TMEM61: variants seen among roughly 807,000 people sequenced by gnomAD.
TMEM61 encodes transmembrane protein 61.
A neutral mutation model predicts 12.0 loss-of-function variants in TMEM61; 13 were observed. That is an observed-to-expected ratio of 1.08 (90% CI 0.70 to 1.72). The LOEUF (loss-of-function observed/expected upper bound fraction) is 1.72. Ranked by LOEUF, TMEM61 falls within the 40% of genes most tolerant of loss-of-function variation. TMEM61 has a pLI of 0.00. For missense variants in TMEM61, 249 were observed against 276.9 expected, an observed-to-expected ratio of 0.90 and a Z score of 0.71; for synonymous variants, 109 against 121.4, an observed-to-expected ratio of 0.90 and a Z score of 0.67.
chr1:54,981,108 T>G, intron 1 of TMEM61, 28 bp downstream of exon 1: 1 of 1,580,286 alleles, frequency 6.3e-7, no homozygotes, highest in Non-Finnish European at 8.6e-7. Context: ...TCTCCCTCCT[T>G]TACGGGCACT....
intron 1 of TMEM61, among the ~76,000 whole-genome samples, chr1:54,982,149 G>A (rs1644227074): frequency 6.6e-6 from 1 of 152,158 alleles, no homozygotes; most frequent in African/African-American, 2.4e-5. Flanking sequence ...GAGATGCTGG[G>A]TGGTCACAGA....
intron 1 of TMEM61, among the ~76,000 whole-genome samples, chr1:54,983,109 G>GTTTTCTTTT (rs1644234087): frequency 9.1e-6 from 1 of 109,522 alleles, no homozygotes; most frequent in African/African-American, 3.2e-5. Flanking sequence ...GTTTTGCTTT[G>GTTTTCTTTT]TTTTTTTTTT....
At chr1:54,981,145 C>G in intron 1 of TMEM61, 65 bp downstream of exon 1, 1 of 1,528,976 alleles carries the variant, frequency 6.5e-7, no homozygotes, top group Admixed American at 2.0e-5. Context: ...CGACCTTGCC[C>G]CGACCCCTTC....
intron 1 of TMEM61, among the ~76,000 whole-genome samples, chr1:54,984,977 T>C (rs998942735): frequency 4.6e-5 from 7 of 152,302 alleles, no homozygotes; most frequent in Middle Eastern, 3.4e-3. Context: ...CATTCTTTTA[T>C]TTAATTGAGA....
At chr1:54,983,261 C>A (rs933084146) in intron 1 of TMEM61, among the ~76,000 whole-genome samples, 1 of 151,444 alleles carries the variant, frequency 6.6e-6, no homozygotes, top group African/African-American at 2.4e-5. Flanking sequence ...CTACAGGTGC[C>A]CACCACCACG....
At chr1:54,982,358 G>A (rs1258013856) in intron 1 of TMEM61, among the ~76,000 whole-genome samples, 2 of 152,180 alleles carry the variant, frequency 1.3e-5, no homozygotes. Context: ...GGGTCCAGGT[G>A]AAAGGAGTTT....
At chr1:54,991,715 G>T in intron 2 of TMEM61, 121 bp from the exon 3 acceptor site, 2 of 1,226,340 alleles carry the variant, frequency 1.6e-6, no homozygotes, top group Non-Finnish European at 1.1e-6. Flanking sequence ...ACCCTGGAGA[G>T]CCACAAAGGC....
rs769894253 is a variant in TMEM61, at chr1:54,992,023, G to T, written c.553G>T (p.Asp185Tyr). 1.2e-6 allele frequency: 2 copies of T among 1,614,016 alleles called. No individual in the cohort carries two copies. The highest frequency in any genetic ancestry group is 1.7e-6 in the Non-Finnish European group (2 of 1,180,022). ...PSYESISLALDAVSAETTPSA... is the reference protein window; with the variant it reads ...PSYESISLALYAVSAETTPSA... ...CTATGAGAGCATCAGCCTTGCTCTT[G>T]ATGCCGTTTCTGCGGAGACGACACC... Residue 185 changes from aspartate to tyrosine, a missense_variant, in exon 3 of 3, where the codon GAT (aspartate) becomes TAT (tyrosine). Coordinates refer to ENST00000371268, the MANE Select transcript of TMEM61 (RefSeq NM_182532.3).
chr1:54,985,948 T>G lies in TMEM61; in HGVS notation c.16-149T>G, dbSNP rs1644254775. The G allele has an allele frequency of 4.6e-6, 3 of 651,398 alleles. No homozygotes were observed. In the Admixed American group the frequency reaches 1.0e-4, roughly 22 times the overall value. The allele number at this position is 651,398 out of a possible 1,614,324, so 40.4% of individuals were successfully genotyped here. ...GCCCGGCAAAGTCAGGGGCATCATC[T>G]CCACTTCACAGATGAGGAAACTGAG... On this transcript the variant is annotated intron_variant, in intron 1 of 2. Coordinates refer to ENST00000371268, the MANE Select transcript of TMEM61 (RefSeq NM_182532.3).
chr1:54,986,272 C>G lies in TMEM61; in HGVS notation c.191C>G (p.Pro64Arg). Residue 64 changes from proline (P) to arginine (R), a missense_variant, in exon 2 of 3, where the codon CCC (proline) becomes CGC (arginine). Physicochemically the swap from Pro to Arg is moderately radical, Grantham distance 103. Transcript: ENST00000371268. ...TEYPVPEGPSPLLRSVSFVCC... is the reference protein window; with the variant it reads ...TEYPVPEGPSRLLRSVSFVCC... ...TATCCGGTGCCTGAGGGCCCCAGCC[C>G]CCTGCTCAGGTCCGTCAGCTTCGTC... 6.2e-7 allele frequency: 1 copy of G among 1,613,982 alleles called. No homozygotes were observed. The highest frequency in any genetic ancestry group is 8.5e-7 in the Non-Finnish European group (1 of 1,180,028).
At chr1:54,981,459 A>G (rs895803343) in intron 1 of TMEM61, among the ~76,000 whole-genome samples, 2 of 152,106 alleles carry the variant, frequency 1.3e-5, no homozygotes, top group African/African-American at 4.8e-5. Flanking sequence ...CTCTACTAAA[A>G]ATACAAAAAT....
chr1:54,982,487 C>T (rs936002832), intron 1 of TMEM61, among the ~76,000 whole-genome samples: 1 of 152,208 alleles, frequency 6.6e-6, no homozygotes, highest in South Asian at 2.1e-4. Context: ...CCACCCCAAC[C>T]GTCCCCCAGG....
intron 1 of TMEM61, among the ~76,000 whole-genome samples, chr1:54,983,122 G>T (rs2317953): frequency 0.7 from 85,439 of 121,572 alleles, 30,989 homozygotes; most frequent in Non-Finnish European, 0.79. Context: ...TTTTTTTTTT[G>T]TTTTTTTTTG....
At position 54,991,896 on chromosome 1, in the gene TMEM61, G is replaced by A. The variant is rs1283848470; in HGVS notation, c.426G>A (p.Glu142=). 1.9e-6 allele frequency: 3 copies of A among 1,614,138 alleles called. No homozygotes were observed. Among genetic ancestry groups the A allele is most frequent in the Admixed American group, 1.7e-5 (1 of 60,016 alleles). ...YEEAVSFPVA[E]GPPTPPAYPT... ...AAGCCGTGAGCTTCCCAGTGGCCGA[G>A]GGGCCCCCAACACCACCTGCATACC... Residue 142 remains glutamate (E), a synonymous_variant, in exon 3 of 3, where the codon GAG becomes GAA. Coordinates refer to ENST00000371268, the MANE Select transcript of TMEM61 (RefSeq NM_182532.3).
chr1:54,992,040 G>A lies in TMEM61; in HGVS notation c.570G>A (p.Glu190=). 1 of 1,613,690 alleles carries A rather than the reference G, an allele frequency of 6.2e-7. No individual in the cohort carries two copies. Among genetic ancestry groups the A allele is most frequent in the East Asian group, 2.2e-5 (1 of 44,876 alleles). ...TTGCTCTTGATGCCGTTTCTGCGGA[G>A]ACGACACCGAGTGCCACACGCTCCT... The part of the protein sequence containing the change: ...ISLALDAVSA[E]TTPSATRSCS... Residue 190 remains glutamate (E), a synonymous_variant, in exon 3 of 3, where the codon GAG becomes GAA. Coordinates refer to ENST00000371268, the MANE Select transcript of TMEM61 (RefSeq NM_182532.3).
In TMEM61 at chr1:54,992,177, C is replaced by T. The variant is rs1644305218; in HGVS notation, c.*74C>T. The T allele has an allele frequency of 2.0e-6, 3 of 1,509,026 alleles. No individual in the cohort carries two copies. The highest frequency in any genetic ancestry group is 2.7e-6 in the Non-Finnish European group (3 of 1,122,196). 93.5% of individuals were successfully genotyped at this position (1,509,026 alleles called of 1,614,324 possible). A position where few individuals can be genotyped will look rare whatever the true frequency, so the allele number is the denominator to read the frequency against. ...CCAGAGTCTTATGCAGTGCCTGGGA[C>T]ACAGTAGGCACTCAGCAAACGTTCG... On this transcript the variant is annotated 3_prime_UTR_variant, in exon 3 of 3. Coordinates refer to ENST00000371268, the MANE Select transcript of TMEM61 (RefSeq NM_182532.3).
chr1:54,985,840 C>T (rs1644253671), intron 1 of TMEM61, among the ~76,000 whole-genome samples: 1 of 152,130 alleles, frequency 6.6e-6, no homozygotes, highest in South Asian at 2.1e-4. Context: ...TGGAGGGAGG[C>T]CCTGAGTGAA....
chr1:54,983,294 G>A (rs923806870), intron 1 of TMEM61, among the ~76,000 whole-genome samples: 2 of 151,644 alleles, frequency 1.3e-5, no homozygotes, highest in Non-Finnish European at 2.9e-5. Flanking sequence ...GCTAATTTTT[G>A]TATTTCTAGT....
intron 2 of TMEM61, among the ~76,000 whole-genome samples, chr1:54,989,057 T>C (rs1644278885): frequency 6.6e-6 from 1 of 152,238 alleles, no homozygotes; most frequent in African/African-American, 2.4e-5. Flanking sequence ...TACACACATC[T>C]GCTTTCTCTG....
Sources: gnomAD v4.1 joint callset for allele counts (sites outside exome capture counted in the v4.1 genomes callset) on GRCh38, gnomAD v4.1.1 for gene constraint, MANE v1.5 for transcripts, NCBI Gene and HGNC (gene_info 2026-07-23, HGNC 2026-07-21) for gene names.